The following APOO variants were observed in gnomAD, a reference collection of about 807,000 sequenced individuals.
APOO encodes MICOS complex subunit MIC26.
Under a neutral mutation model 23.1 loss-of-function variants are expected in APOO, and 11 were observed. That is an observed-to-expected ratio of 0.48 (90% CI 0.30 to 0.79). APOO has a LOEUF of 0.79. APOO is among the 30% of genes least tolerant of loss of function. The pLI, the probability that APOO is intolerant of heterozygous loss-of-function variation, is 0.07. For synonymous variants in APOO, 59 were observed against 54.8 expected (o/e 1.08, Z -0.34); for missense variants, 160 against 142.7 (o/e 1.12, Z -0.62).
rs766049835 is a variant in APOO, at chrX:23,879,416, AGAGT to A, written c.118-386_118-383del. On this transcript the variant is annotated intron_variant, in intron 2 of 8. Coordinates refer to ENST00000379226, the MANE Select transcript of APOO (RefSeq NM_024122.5). ...GTGCCAGTGCACTCAAGCCTAGGCA[AGAGT>A]GAGACTCCATCTCAAAAATAATAAT... Among the ~76,000 whole-genome samples, 565 of 112,328 alleles carry A rather than the reference AGAGT, an allele frequency of 5.0e-3. 4 individuals carry two copies. Among genetic ancestry groups the A allele is most frequent in the African/African-American group, 0.018 (545 of 30,947 alleles).
intron 1 of APOO, among the ~76,000 whole-genome samples, chrX:23,907,353 C>A (rs1443370844): frequency 8.9e-6 from 1 of 111,796 alleles, no homozygotes; most frequent in Non-Finnish European, 1.9e-5. Context: ...CCACAGTGCC[C>A]TGAGCTGGCC....
In APOO at chrX:23,868,637, C is replaced by A; in HGVS notation, c.344G>T (p.Gly115Val). 2 of 1,209,352 alleles carry A rather than the reference C, an allele frequency of 1.7e-6. No individual in the cohort carries two copies. The highest frequency in any genetic ancestry group is 2.2e-6 in the Non-Finnish European group (2 of 894,837). Reference sequence around the variant, plus strand: ...AATAAGGCCAGCAAAACCAATAACACCAAGTCTCGGAAAAAATCCAGGAGG... The same window carrying A: ...AATAAGGCCAGCAAAACCAATAACAACAAGTCTCGGAAAAAATCCAGGAGG... The part of the protein sequence containing the change: ...NAPPGFFPRL[G>V]VIGFAGLIGL... Residue 115 changes from glycine (G) to valine (V), a missense_variant, in exon 5 of 9, where the codon GGT becomes GTT. Gly to Val is a moderately radical substitution (Grantham distance 109, BLOSUM62 -3). Coordinates refer to ENST00000379226, the MANE Select transcript of APOO (RefSeq NM_024122.5).
chrX:23,877,155 AAAC>A (rs1433650944), intron 3 of APOO, among the ~76,000 whole-genome samples: 1 of 112,128 alleles, frequency 8.9e-6, no homozygotes, highest in Non-Finnish European at 1.9e-5. Context: ...CAAACAAAAA[AAAC>A]AGACAGACTA....
intron 8 of APOO, chrX:23,837,378 C>G (rs1313246692): frequency 5.6e-6 from 4 of 715,447 alleles, no homozygotes; most frequent in Non-Finnish European, 8.2e-6. Flanking sequence ...AATATAATTA[C>G]AATTATATGC....
intron 8 of APOO, among the ~76,000 whole-genome samples, chrX:23,834,361 A>C (rs1425353020): frequency 4.0e-5 from 4 of 100,317 alleles, no homozygotes; most frequent in African/African-American, 1.5e-4. Context: ...GAGCCACTGC[A>C]CTCCAGCCTG....
At chrX:23,895,708 C>T (rs1926865464) in intron 1 of APOO, among the ~76,000 whole-genome samples, 1 of 110,288 alleles carries the variant, frequency 9.1e-6, no homozygotes, top group African/African-American at 3.3e-5. Context: ...CTACTGGAAC[C>T]TTTTCTACAT....
At chrX:23,875,224 T>C (rs1374053088) in intron 3 of APOO, among the ~76,000 whole-genome samples, 4 of 101,232 alleles carry the variant, frequency 4.0e-5, no homozygotes, top group African/African-American at 1.4e-4. Context: ...CACTCCAGCC[T>C]GGGCGTGTCT....
chrX:23,843,360 A>G (rs991404543), intron 7 of APOO, among the ~76,000 whole-genome samples: 3 of 111,090 alleles, frequency 2.7e-5, no homozygotes, highest in African/African-American at 9.8e-5. Context: ...CCACCCTGTC[A>G]CAAATCAGAT....
chrX:23,858,297 G>A (rs1039455747), intron 6 of APOO, among the ~76,000 whole-genome samples: 2 of 111,099 alleles, frequency 1.8e-5, no homozygotes, highest in Non-Finnish European at 3.8e-5. Context: ...GGTTGTGACC[G>A]GACATGCATA....
intron 4 of APOO, among the ~76,000 whole-genome samples, chrX:23,869,455 C>T (rs774590016): frequency 9.2e-6 from 1 of 108,723 alleles, no homozygotes; most frequent in East Asian, 2.9e-4. Context: ...CTCTGAAACT[C>T]AGGAACCAAA....
chrX:23,895,401 T>G (rs1180183231), intron 1 of APOO, among the ~76,000 whole-genome samples: 5 of 111,101 alleles, frequency 4.5e-5, no homozygotes, highest in Middle Eastern at 4.2e-3. Context: ...AACACAGGAA[T>G]AGAAAACCAA....
intron 5 of APOO, among the ~76,000 whole-genome samples, chrX:23,860,931 G>C (rs1924993274): frequency 9.1e-6 from 1 of 109,958 alleles, no homozygotes; most frequent in African/African-American, 3.3e-5. Flanking sequence ...ATTGAGCCCA[G>C]GAGTTTGAGA....
chrX:23,893,091 T>C (rs1426849772), intron 1 of APOO, among the ~76,000 whole-genome samples: 1 of 110,166 alleles, frequency 9.1e-6, no homozygotes, highest in Non-Finnish European at 1.9e-5. Context: ...GCTACACTGT[T>C]GTCCTCAGTA....
rs112978835 is a variant in APOO, at chrX:23,880,995, C to T, written c.10-43G>A. On this transcript the variant is annotated intron_variant, in intron 1 of 8. Transcript: ENST00000379226. Reference sequence around the variant, plus strand: ...TCTTAAACCTCTCTATGTTACAGACCGAATGTGCAGAACATGAGCATATTC... The same window carrying T: ...TCTTAAACCTCTCTATGTTACAGACTGAATGTGCAGAACATGAGCATATTC... 128,420 of 941,762 alleles carry T rather than the reference C, an allele frequency of 0.14. 8,911 individuals carry two copies. The highest frequency in any genetic ancestry group is 0.52 in the South Asian group (17,628 of 34,068). The allele number at this position is 941,762 out of a possible 1,213,427, so 77.6% of individuals were successfully genotyped here. A position where few individuals can be genotyped will look rare whatever the true frequency, so the allele number is the denominator to read the frequency against.
chrX:23,891,516 C>A (rs1353091525), intron 1 of APOO, among the ~76,000 whole-genome samples: 1 of 111,863 alleles, frequency 8.9e-6, no homozygotes. Flanking sequence ...CGTGAGCCAC[C>A]ACACCTGGCC....
chrX:23,852,613 C>T (rs1205313411), intron 7 of APOO, among the ~76,000 whole-genome samples: 1 of 90,673 alleles, frequency 1.1e-5, no homozygotes, highest in East Asian at 3.4e-4. Flanking sequence ...GACTCTGTCT[C>T]AAAAAAAAAA....
At chrX:23,903,140 C>T (rs1327426162) in intron 1 of APOO, among the ~76,000 whole-genome samples, 2 of 111,478 alleles carry the variant, frequency 1.8e-5, no homozygotes, top group African/African-American at 3.3e-5. Context: ...GAGGCTGAGG[C>T]GGGTGGATCA....
Position 23,858,677 on chromosome X carries a change from G to A in APOO, c.445C>T (p.Leu149Phe). 1 of 1,211,210 alleles carries A rather than the reference G, an allele frequency of 8.3e-7. No individual in the cohort carries two copies. The highest frequency in any genetic ancestry group is 1.1e-6 in the Non-Finnish European group (1 of 895,247). Residue 149 changes from leucine (L) to phenylalanine (F), a missense_variant, in exon 6 of 9, where the codon CTC becomes TTC. Physicochemically the swap from Leu to Phe is conservative, Grantham distance 22. Transcript: ENST00000379226. ...PPGFMGLAAS[L>F]YYPQQAIVFA... is the part of the protein sequence containing the mutation. ...ACGATGGCTTGTTGTGGATAATAGA[G>A]GGAGGCAGCTAATCCCATGAAACCA...
chrX:23,841,573 G>A (rs1389999837), intron 7 of APOO, among the ~76,000 whole-genome samples: 2 of 108,541 alleles, frequency 1.8e-5, no homozygotes, highest in Non-Finnish European at 3.8e-5. Flanking sequence ...GGAGTTCTGG[G>A]AAACAAGGCC....
Sources: allele counts gnomAD v4.1 joint callset (sites outside exome capture counted in the v4.1 genomes callset), GRCh38; gene constraint gnomAD v4.1.1; transcripts MANE v1.5; gene names NCBI Gene and HGNC (gene_info 2026-07-23, HGNC 2026-07-21).